Variants in MCMDC2 observed in about 807,000 individuals in gnomAD.
The protein encoded by MCMDC2 is minichromosome maintenance domain-containing protein 2.
A neutral mutation model predicts 75.8 loss-of-function variants in MCMDC2; 54 were observed. The ratio of observed to expected loss-of-function variants is 0.71; its 90% confidence interval spans 0.57 to 0.89. The LOEUF (loss-of-function observed/expected upper bound fraction) is 0.89. Among genes scored for constraint, MCMDC2 ranks in the 40% least tolerant of loss-of-function variants. MCMDC2 has a pLI of 0.00. For synonymous variants in MCMDC2, 249 were observed against 274.6 expected (o/e 0.91, Z 0.92); for missense variants, 656 against 780.4 (o/e 0.84, Z 1.90).
chr8:66,893,557 C>T (rs1812210041), intron 10 of MCMDC2, among the ~76,000 whole-genome samples: 1 of 152,116 alleles, frequency 6.6e-6, no homozygotes, highest in African/African-American at 2.4e-5. Flanking sequence ...CAGGGAAACT[C>T]CCCGTTTTAA....
intron 9 of MCMDC2, chr8:66,884,407 T>C (rs1811735905): frequency 5.7e-6 from 1 of 175,892 alleles, no homozygotes; most frequent in Non-Finnish European, 1.2e-5. Flanking sequence ...CCATAATTAC[T>C]ATCTGGGGGG....
chr8:66,871,910 A>G (rs1196490851), intron 1 of MCMDC2, among the ~76,000 whole-genome samples: 1 of 152,034 alleles, frequency 6.6e-6, no homozygotes, highest in Non-Finnish European at 1.5e-5. Flanking sequence ...CAAAAAAAAA[A>G]AAAATCTGAC....
At chr8:66,903,717 G>C (rs1263203953) in intron 13 of MCMDC2, among the ~76,000 whole-genome samples, 2 of 152,130 alleles carry the variant, frequency 1.3e-5, no homozygotes, top group African/African-American at 4.8e-5. Context: ...CTACAGACAG[G>C]TACCTAATCA....
chr8:66,909,668 C>G (rs1293840483), intron 14 of MCMDC2, among the ~76,000 whole-genome samples: 1 of 152,074 alleles, frequency 6.6e-6, no homozygotes, highest in East Asian at 1.9e-4. Flanking sequence ...GAGACATAAT[C>G]AGAAATTGGA....
chr8:66,882,564 C>T (rs1811637695), intron 8 of MCMDC2, among the ~76,000 whole-genome samples: 2 of 152,068 alleles, frequency 1.3e-5, no homozygotes, highest in Admixed American at 1.3e-4. Flanking sequence ...TGGGGTTTCA[C>T]CATGTTGACC....
chr8:66,880,751 A>T (rs1183721326), intron 7 of MCMDC2, 98 bp from the exon 8 acceptor site: 1 of 1,173,250 alleles, frequency 8.5e-7, no homozygotes, highest in Non-Finnish European at 1.1e-6. Context: ...TAACTCAACT[A>T]CTGAATTGTT....
chr8:66,897,692 A>G (rs1358202103), intron 12 of MCMDC2, among the ~76,000 whole-genome samples: 2 of 152,220 alleles, frequency 1.3e-5, no homozygotes, highest in African/African-American at 4.8e-5. Context: ...TTTAGGGGAT[A>G]TATAGCATGA....
intron 14 of MCMDC2, among the ~76,000 whole-genome samples, chr8:66,914,648 A>C (rs138191491): frequency 2.6e-5 from 4 of 152,332 alleles, no homozygotes; most frequent in Non-Finnish European, 4.4e-5. Context: ...CAGAGAACTA[A>C]TGTGTTCAAT....
chr8:66,891,103 G>T (rs761364056), intron 10 of MCMDC2, 33 bp downstream of exon 10: 11 of 1,532,794 alleles, frequency 7.2e-6, no homozygotes, highest in Middle Eastern at 1.7e-4. Flanking sequence ...ATTTTCACCC[G>T]TTTAACCTAT....
intron 5 of MCMDC2, among the ~76,000 whole-genome samples, 154 bp from the exon 6 acceptor site, chr8:66,878,420 C>G (rs996761113): frequency 6.6e-6 from 1 of 151,862 alleles, no homozygotes; most frequent in Non-Finnish European, 1.5e-5. Context: ...TTGAATTAGA[C>G]TAATTTTAAA....
chr8:66,914,011 C>G (rs1166025559), intron 14 of MCMDC2, among the ~76,000 whole-genome samples: 2 of 147,382 alleles, frequency 1.4e-5, no homozygotes, highest in Non-Finnish European at 3.0e-5. Context: ...GGCATCATGG[C>G]TCATGCCTGT....
downstream of MCMDC2, chr8:66,922,225 C>T (rs1458063671): frequency 4.8e-6 from 1 of 209,896 alleles, no homozygotes; most frequent in Admixed American, 5.6e-5. Flanking sequence ...GAATACCACA[C>T]ATGCAAAAGC....
At chr8:66,895,142 G>A (rs1812285919) in intron 10 of MCMDC2, among the ~76,000 whole-genome samples, 1 of 152,054 alleles carries the variant, frequency 6.6e-6, no homozygotes, top group Admixed American at 6.6e-5. Context: ...ATCATCCTTG[G>A]ATTACTTATA....
At chr8:66,900,470 A>G (rs1009387740) in intron 12 of MCMDC2, among the ~76,000 whole-genome samples, 1 of 152,080 alleles carries the variant, frequency 6.6e-6, no homozygotes, top group Non-Finnish European at 1.5e-5. Flanking sequence ...TATAAATTTT[A>G]TAGTTAATAG....
chr8:66,884,023 T>G, intron 9 of MCMDC2, 29 bp downstream of exon 9: 4 of 1,421,540 alleles, frequency 2.8e-6, no homozygotes, highest in Non-Finnish European at 3.0e-6. Context: ...TTTTTACAAA[T>G]ATTAATTGGT....
chr8:66,902,709 AAAAT>A (rs1322597713), intron 13 of MCMDC2, among the ~76,000 whole-genome samples: 28 of 106,148 alleles, frequency 2.6e-4, no homozygotes, highest in South Asian at 1.2e-3. Context: ...AAAAAAAAAA[AAAAT>A]ATATATATAT....
chr8:66,922,624 G>C (rs1813597010), downstream of MCMDC2: 1 of 464,336 alleles, frequency 2.2e-6, no homozygotes, highest in Admixed American at 2.2e-5. Flanking sequence ...CTCAATACAT[G>C]CCGCGTGATC....
intron 12 of MCMDC2, among the ~76,000 whole-genome samples, chr8:66,899,660 T>C (rs1812540556): frequency 6.6e-6 from 1 of 151,856 alleles, no homozygotes; most frequent in Admixed American, 6.6e-5. Context: ...CACACCCGGC[T>C]AATTTTTTTG....
chr8:66,906,687 ATAGT>A (rs537086071), intron 14 of MCMDC2, among the ~76,000 whole-genome samples: 142 of 152,116 alleles, frequency 9.3e-4, no homozygotes, highest in Middle Eastern at 6.8e-3. Context: ...ATACTAAATA[ATAGT>A]TAGGGAGGAT....
Sources: gnomAD v4.1 joint callset for allele counts (sites outside exome capture counted in the v4.1 genomes callset) on GRCh38, gnomAD v4.1.1 for gene constraint, MANE v1.5 for transcripts, NCBI Gene and HGNC (gene_info 2026-07-23, HGNC 2026-07-21) for gene names.